Variants in EPS8L1 observed in about 807,000 individuals in gnomAD.
The protein encoded by EPS8L1 is epidermal growth factor receptor kinase substrate 8-like protein 1.
Under a neutral mutation model 91.7 loss-of-function variants are expected in EPS8L1, and 101 were observed. That is an observed-to-expected ratio of 1.10 (90% CI 0.94 to 1.30). The LOEUF is 1.30. Ranked by LOEUF, EPS8L1 falls within the 50% of genes most tolerant of loss-of-function variation. The probability of loss-of-function intolerance (pLI) is 0.00; values close to 1 mark genes in which losing one functional copy is unlikely to be tolerated. For synonymous variants in EPS8L1, 506 were observed against 445.3 expected (o/e 1.14, Z -1.72); for missense variants, 1,114 against 1,017.0 (o/e 1.10, Z -1.30).
At position 55,078,146 on chromosome 19, in the gene EPS8L1, G is replaced by T. The variant is rs1382270425; in HGVS notation, c.58+18G>T. The T allele has an allele frequency of 1.2e-6, 2 of 1,612,890 alleles. No homozygotes were observed. The highest frequency in any genetic ancestry group is 1.7e-6 in the Non-Finnish European group (2 of 1,179,458). ...TATCTATGGTGAGCGGGGGGCAAGG[G>T]AGCCCCAGGCCCATAGAACTGGGTC... On this transcript the variant is annotated intron_variant, in intron 3 of 19. Coordinates refer to ENST00000201647, the MANE Select transcript of EPS8L1 (RefSeq NM_133180.3).
intron 12 of EPS8L1, 92 bp downstream of exon 12, chr19:55,082,694 T>G (rs1312114060): frequency 3.3e-6 from 4 of 1,230,724 alleles, no homozygotes; most frequent in Non-Finnish European, 4.5e-6. Flanking sequence ...AAAATAGGAC[T>G]AGGAGAGTAG....
In EPS8L1 at chr19:55,083,867, T is replaced by G; in HGVS notation, c.1385+223T>G. ...CTTCTGGGGCTAAGGGAGTTGGGAA[T>G]GGAGACCCGGATTCCTGGGCCTAAG... On this transcript the variant is annotated intron_variant, in intron 14 of 19. Coordinates refer to ENST00000201647, the MANE Select transcript of EPS8L1 (RefSeq NM_133180.3). This position sits in a 1 kb window ranked among gnomAD's most constrained non-coding sequence, Gnocchi z 4.7. 4.3e-6 allele frequency: 3 copies of G among 690,584 alleles called. No individual in the cohort carries two copies. The highest frequency in any genetic ancestry group is 1.8e-5 in the African/African-American group (1 of 55,952). 42.8% of individuals were successfully genotyped at this position (690,584 alleles called of 1,614,324 possible). A position where few individuals can be genotyped will look rare whatever the true frequency, so the allele number is the denominator to read the frequency against.
chr19:55,079,687 C>T lies in EPS8L1; in HGVS notation c.118-3C>T, dbSNP rs929952215. 3 of 1,613,256 alleles carry T rather than the reference C, an allele frequency of 1.9e-6. No individual in the cohort carries two copies. Among genetic ancestry groups the T allele is most frequent in the Non-Finnish European group, 2.5e-6 (3 of 1,179,506 alleles). On this transcript the variant is annotated splice_polypyrimidine_tract_variant and splice_region_variant and intron_variant, in intron 4 of 19. Transcript: ENST00000201647. Reference sequence around the variant, plus strand: ...TCACTGCTTTCTCCATGGTCCGTACCAGCACCTGGTGACGTTCTGCCTGGG... The same window carrying T: ...TCACTGCTTTCTCCATGGTCCGTACTAGCACCTGGTGACGTTCTGCCTGGG...
intron 3 of EPS8L1, 21 bp downstream of exon 3, chr19:55,078,149 C>A (rs1451670888): frequency 6.2e-7 from 1 of 1,611,952 alleles, no homozygotes. Context: ...GGCAAGGGAG[C>A]CCCAGGCCCA....
At position 55,086,201 on chromosome 19, in the gene EPS8L1, G is replaced by A; in HGVS notation, c.1650+9G>A. On this transcript the variant is annotated intron_variant, in intron 16 of 19. Coordinates refer to ENST00000201647, the MANE Select transcript of EPS8L1 (RefSeq NM_133180.3). ...GCCCTGCCCGCAGCCTGGTGAGCCA[G>A]CGCAGACGCTGGGATCTTGAGGGTG... The A allele has an allele frequency of 6.3e-7, 1 of 1,592,998 alleles. No homozygotes were observed. Among genetic ancestry groups the A allele is most frequent in the Non-Finnish European group, 8.6e-7 (1 of 1,169,174 alleles).
At chr19:55,087,157 G>C in intron 18 of EPS8L1, 146 bp from the exon 19 acceptor site, 5 of 1,270,788 alleles carry the variant, frequency 3.9e-6, no homozygotes, top group South Asian at 1.5e-5. Flanking sequence ...TGTGATTGGT[G>C]GGTGGGGTTC....
intron 18 of EPS8L1, 84 bp downstream of exon 18, chr19:55,086,972 G>A: frequency 4.3e-6 from 6 of 1,390,692 alleles, no homozygotes; most frequent in Middle Eastern, 2.7e-4. Flanking sequence ...GTCGGGGGGC[G>A]GCAGTCGTGG....
In EPS8L1 at chr19:55,086,451, G is replaced by T; in HGVS notation, c.1710G>T (p.Arg570=). The T allele has an allele frequency of 6.4e-7, 1 of 1,552,860 alleles. No homozygotes were observed. Among genetic ancestry groups the T allele is most frequent in the Admixed American group, 2.0e-5 (1 of 51,100 alleles). The part of the protein sequence containing the change: ...PAPAPPPALA[R]PRWDRPRWDS... ...CGGCCCCACCTCCAGCTCTGGCTCG[G>T]CCCCGCTGGGACAGGCCCCGCTGGG... The change falls in exon 17 of 20, where the codon CGG becomes CGT. Residue 570 remains arginine (R), a synonymous_variant. Coordinates refer to ENST00000201647, the MANE Select transcript of EPS8L1 (RefSeq NM_133180.3).
In EPS8L1 at chr19:55,080,291, G is replaced by A. The variant is rs1439350413; in HGVS notation, c.429+13G>A. The stretch of plus-strand genomic sequence containing the variant: ...CCTGCGCCTCGGGGTGAGCAGATGG[G>A]CTGGCTCTGGGGGTGGAGCTGGAAC... On this transcript the variant is annotated intron_variant, in intron 6 of 19. Coordinates refer to ENST00000201647, the MANE Select transcript of EPS8L1 (RefSeq NM_133180.3). 5.2e-6 allele frequency: 8 copies of A among 1,535,064 alleles called. No individual in the cohort carries two copies. The highest frequency in any genetic ancestry group is 6.1e-6 in the Non-Finnish European group (7 of 1,138,812).
chr19:55,085,605 A>G (rs1191075250), intron 14 of EPS8L1: 14 of 419,616 alleles, frequency 3.3e-5, no homozygotes, highest in Non-Finnish European at 5.9e-5. Flanking sequence ...TCCTCTGTAA[A>G]ATGGAATCGA....
At chr19:55,086,002 G>A in intron 15 of EPS8L1, 29 bp downstream of exon 15, 1 of 1,604,054 alleles carries the variant, frequency 6.2e-7, no homozygotes, top group Non-Finnish European at 8.5e-7. Context: ...TGAGGGGCAG[G>A]AATTAGCCAG....
intron 2 of EPS8L1, among the ~76,000 whole-genome samples, 154 bp from the exon 3 acceptor site, chr19:55,077,931 TCAA>T (rs67785163): frequency 0.083 from 11,561 of 138,628 alleles, 588 homozygotes; most frequent in East Asian, 0.17. Context: ...GCTCTCCTGC[TCAA>T]TAATAATAAT....
Position 55,087,846 on chromosome 19 carries a change from A to C in EPS8L1, c.*232A>C. The C allele has an allele frequency of 3.7e-6, 2 of 539,452 alleles. No homozygotes were observed. Among genetic ancestry groups the C allele is most frequent in the Non-Finnish European group, 6.7e-6 (2 of 298,156 alleles). The allele number at this position is 539,452 out of a possible 1,614,324, so 33.4% of individuals were successfully genotyped here. On this transcript the variant is annotated 3_prime_UTR_variant, in exon 20 of 20. Coordinates refer to ENST00000201647, the MANE Select transcript of EPS8L1 (RefSeq NM_133180.3). The stretch of plus-strand genomic sequence containing the variant: ...GAGACAGTCTACGGAAAGCGCTAGC[A>C]GACCCCCGAGAGGGTGCAGTGGAGC...
Position 55,081,353 on chromosome 19 carries a change from C to T in EPS8L1, c.635C>T (p.Pro212Leu). ...GAGCGGGGCGCGGGCCGCGGACGAC[C>T]CCAGGCGAAGCCCATTCCCGAGGCA... ...TVERGAGRGR[P>L]QAKPIPEAEE... The change falls in exon 8 of 20, where the codon CCC becomes CTC. Residue 212 changes from proline (P) to leucine (L), a missense_variant. Transcript: ENST00000201647. The surrounding 1 kb of genome is among the most constrained non-coding windows in gnomAD (Gnocchi z 4.9). The T allele has an allele frequency of 6.4e-7, 1 of 1,564,972 alleles. No individual in the cohort carries two copies. Among genetic ancestry groups the T allele is most frequent in the Non-Finnish European group, 8.6e-7 (1 of 1,159,296 alleles).
In EPS8L1 at chr19:55,086,876, G is replaced by A; in HGVS notation, c.1940G>A (p.Gly647Asp). The A allele has an allele frequency of 1.4e-6, 2 of 1,447,262 alleles. No homozygotes were observed. The highest frequency in any genetic ancestry group is 1.8e-6 in the Non-Finnish European group (2 of 1,105,540). 89.7% of individuals were successfully genotyped at this position (1,447,262 alleles called of 1,614,324 possible). A position where few individuals can be genotyped will look rare whatever the true frequency, so the allele number is the denominator to read the frequency against. ...GTCCGCGCCTGGCTGCAGGCCAAGGGCTTTAGCTCCGGGTGAGTGGGGCCG... is the reference window on the plus strand; with the variant it reads ...GTCCGCGCCTGGCTGCAGGCCAAGGACTTTAGCTCCGGGTGAGTGGGGCCG... ...SEVRAWLQAK[G>D]FSSGTVDALG... is the part of the protein sequence containing the mutation. Residue 647 changes from glycine (G) to aspartate (D), a missense_variant, in exon 18 of 20, where the codon GGC becomes GAC. Physicochemically the swap from Gly to Asp is moderately conservative, Grantham distance 94 (BLOSUM62 -1). Transcript: ENST00000201647.
Position 55,081,872 on chromosome 19 carries a change from CGCAGG to C in EPS8L1, c.875_879del (p.Arg292GlnfsTer97), listed in dbSNP as rs757341978. The C allele has an allele frequency of 6.2e-7, 1 of 1,607,602 alleles. No homozygotes were observed. The highest frequency in any genetic ancestry group is 8.5e-7 in the Non-Finnish European group (1 of 1,176,616). On this transcript the variant is annotated frameshift_variant, in exon 9 of 20. Coordinates refer to ENST00000201647, the MANE Select transcript of EPS8L1 (RefSeq NM_133180.3). LOFTEE classifies it high-confidence loss of function. The surrounding 1 kb of genome is among the most constrained non-coding windows in gnomAD (Gnocchi z 4.9). ...GGTGCTGGAGCACCGGGAACGCGGCCGCAGGAGCCGGCGCCGGGCGGCTGGGGGTA... is the reference window on the plus strand; with the variant it reads ...GGTGCTGGAGCACCGGGAACGCGGCCAGCCGGCGCCGGGCGGCTGGGGGTA...
rs2076264509 is a variant in EPS8L1 at position 55,081,641 on chromosome 19, G to A, written c.775-132G>A. On this transcript the variant is annotated intron_variant, in intron 8 of 19. Coordinates refer to ENST00000201647, the MANE Select transcript of EPS8L1 (RefSeq NM_133180.3). The surrounding 1 kb of genome is among the most constrained non-coding windows in gnomAD (Gnocchi z 4.9). ...GGGGCTGGGTCGGGGGCGGGGCTTGGTTGTGGGGCGTGGCCAGGTGTTTGG... is the reference window on the plus strand; with the variant it reads ...GGGGCTGGGTCGGGGGCGGGGCTTGATTGTGGGGCGTGGCCAGGTGTTTGG... 6.9e-7 allele frequency: 1 copy of A among 1,450,394 alleles called. No homozygotes were observed. The highest frequency in any genetic ancestry group is 9.2e-7 in the Non-Finnish European group (1 of 1,090,548). 89.8% of individuals were successfully genotyped at this position (1,450,394 alleles called of 1,614,324 possible).
chr19:55,082,447 C>G lies in EPS8L1; in HGVS notation c.1066-7C>G. ...GGCACAGCCTGCCCCTCCTGCTCCCCTGACAGATTGTGAACACGTCGGGGG... is the reference window on the plus strand; with the variant it reads ...GGCACAGCCTGCCCCTCCTGCTCCCGTGACAGATTGTGAACACGTCGGGGG... On this transcript the variant is annotated splice_region_variant and splice_polypyrimidine_tract_variant and intron_variant, in intron 11 of 19. Transcript: ENST00000201647. 1 of 1,612,012 alleles carries G rather than the reference C, an allele frequency of 6.2e-7. No homozygotes were observed. The highest frequency in any genetic ancestry group is 1.3e-5 in the African/African-American group (1 of 75,046).
At position 55,083,309 on chromosome 19, in the gene EPS8L1, G is replaced by A. The variant is rs2147154941; in HGVS notation, c.1215-69G>A. On this transcript the variant is annotated intron_variant, in intron 12 of 19. Coordinates refer to ENST00000201647, the MANE Select transcript of EPS8L1 (RefSeq NM_133180.3). This position sits in a 1 kb window ranked among gnomAD's most constrained non-coding sequence, Gnocchi z 4.7. The stretch of plus-strand genomic sequence containing the variant: ...GAGCTTTAGGGGAAAACTTAGTGAA[G>A]TTAATGCAGGAACGAAGTTGGGGGC... 6.4e-7 allele frequency: 1 copy of A among 1,569,424 alleles called. No individual in the cohort carries two copies. Among genetic ancestry groups the A allele is most frequent in the Non-Finnish European group, 8.7e-7 (1 of 1,155,262 alleles).
Sources: allele counts gnomAD v4.1 joint callset (sites outside exome capture counted in the v4.1 genomes callset), GRCh38; gene constraint gnomAD v4.1.1; non-coding constraint Gnocchi (gnomAD v3.1); transcripts MANE v1.5; gene names NCBI Gene and HGNC (gene_info 2026-07-23, HGNC 2026-07-21).